Variants in CDH23 observed in about 807,000 individuals in gnomAD.
The protein encoded by CDH23 is cadherin-23.
In CDH23, 189 loss-of-function variants were observed where a neutral mutation model predicts 317.1. That is an observed-to-expected ratio of 0.60 (90% CI 0.53 to 0.67). CDH23 has a LOEUF of 0.67. Among genes scored for constraint, CDH23 ranks in the 30% least tolerant of loss-of-function variants. The probability of loss-of-function intolerance (pLI) is 0.00; values close to 1 mark genes in which losing one functional copy is unlikely to be tolerated. For missense variants in CDH23, 4,401 were observed against 4,592.4 expected (o/e 0.96, Z 1.20); for synonymous variants, 1,839 against 1,876.8 (o/e 0.98, Z 0.52).
intron 9 of CDH23, among the ~76,000 whole-genome samples, chr10:71,580,632 T>G (rs1858557690): frequency 6.6e-6 from 1 of 152,234 alleles, no homozygotes. Flanking sequence ...ATAGGGCCAC[T>G]GTTTGACAAA....
chr10:71,507,085 T>C (rs529113211), intron 3 of CDH23, among the ~76,000 whole-genome samples: 1 of 152,272 alleles, frequency 6.6e-6, no homozygotes, highest in South Asian at 2.1e-4. Context: ...AGAATCCTCT[T>C]GGCCAGCTGG....
chr10:71,609,246 T>G (rs1405857410), intron 9 of CDH23, among the ~76,000 whole-genome samples: 3 of 149,944 alleles, frequency 2.0e-5, no homozygotes, highest in Non-Finnish European at 4.4e-5. Context: ...CGCCCCAACA[T>G]CAGACCTTCT....
At chr10:71,672,154 G>A (rs1422664491) in intron 14 of CDH23, among the ~76,000 whole-genome samples, 1 of 152,108 alleles carries the variant, frequency 6.6e-6, no homozygotes, top group Admixed American at 6.5e-5. Context: ...TGGGGGTCAG[G>A]GAGGGCAGAA....
chr10:71,666,994 A>G (rs1863926419), intron 14 of CDH23, among the ~76,000 whole-genome samples: 1 of 152,236 alleles, frequency 6.6e-6, no homozygotes, highest in South Asian at 2.1e-4. Context: ...TGACATGTCA[A>G]ACATTGCTAT....
intron 1 of CDH23, among the ~76,000 whole-genome samples, chr10:71,438,347 C>CAAAAAAA (rs10596696): frequency 1.0e-3 from 102 of 98,304 alleles, no homozygotes; most frequent in African/African-American, 2.0e-3. Flanking sequence ...CTGTCTCAAA[C>CAAAAAAA]AAAAAAAAAA....
chr10:71,463,142 C>T (rs1261315576), intron 3 of CDH23, among the ~76,000 whole-genome samples: 9 of 152,168 alleles, frequency 5.9e-5, no homozygotes, highest in Non-Finnish European at 1.3e-4. Flanking sequence ...TTCTTAGCTC[C>T]CAAAATATAA....
chr10:71,533,209 G>A lies in CDH23; in HGVS notation c.429+21997G>A, dbSNP rs1246982093. On this transcript the variant is annotated intron_variant, in intron 6 of 69. Coordinates refer to ENST00000224721, the MANE Select transcript of CDH23 (RefSeq NM_022124.6). ...GGCATGGTGAGCTCCGGAATCACAA[G>A]ACCCCTTGATTCTCATCCTGTTTCT... 2.0e-5 allele frequency among the ~76,000 whole-genome samples: 3 copies of A among 151,802 alleles called. No homozygotes were observed. In the South Asian group the frequency reaches 6.2e-4, roughly 31 times the overall value.
rs1398056456 is a variant in CDH23, at chr10:71,751,820, G to T, written c.4845+9899G>T. The T allele has an allele frequency of 1.3e-6, 2 of 1,574,806 alleles. No homozygotes were observed. The highest frequency in any genetic ancestry group is 1.7e-6 in the Non-Finnish European group (2 of 1,161,786). ...GGCCTCGGGTATCCCCTGGGCAGGT[G>T]GTGAGGCTTCAAAGCCGGGGTTTTC... On this transcript the variant is annotated intron_variant, in intron 38 of 69. Coordinates refer to ENST00000224721, the MANE Select transcript of CDH23 (RefSeq NM_022124.6). This position sits in a 1 kb window ranked among gnomAD's most constrained non-coding sequence, Gnocchi z 4.9.
chr10:71,761,368 C>T (rs1564781020), intron 38 of CDH23, among the ~76,000 whole-genome samples: 1 of 152,178 alleles, frequency 6.6e-6, no homozygotes, highest in African/African-American at 2.4e-5. Context: ...ATTAAAAAGT[C>T]TCACTGTCAC....
chr10:71,690,562 G>A lies in CDH23; in HGVS notation c.2154G>A (p.Gln718=). 1 of 1,605,742 alleles carries A rather than the reference G, an allele frequency of 6.2e-7. No individual in the cohort carries two copies. The highest frequency in any genetic ancestry group is 8.5e-7 in the Non-Finnish European group (1 of 1,176,240). Residue 718 remains glutamine, a synonymous_variant, in exon 20 of 70, where the codon CAG becomes CAA. Transcript: ENST00000224721. The part of the protein sequence containing the change: ...SIIYSLEGST[Q]FRINARSGEI... The stretch of plus-strand genomic sequence containing the variant: ...TCTACTCCTTGGAAGGCTCCACCCA[G>A]TTTCGGATCAATGCCCGCTCAGGTG...
chr10:71,719,840 G>A (rs1180943454), intron 28 of CDH23: 1 of 152,604 alleles, frequency 6.6e-6, no homozygotes, highest in Non-Finnish European at 1.5e-5. Context: ...GCCCTGCCTT[G>A]GGGGAGGGGA....
At chr10:71,637,423 C>T (rs1055463238) in intron 11 of CDH23, among the ~76,000 whole-genome samples, 5 of 152,272 alleles carry the variant, frequency 3.3e-5, no homozygotes, top group South Asian at 2.1e-4. Context: ...ACACTTATTC[C>T]GTCCCAGATG....
chr10:71,458,289 G>C (rs528566979), intron 3 of CDH23, among the ~76,000 whole-genome samples: 2 of 152,240 alleles, frequency 1.3e-5, no homozygotes, highest in Non-Finnish European at 2.9e-5. Context: ...TTTGGTGCAA[G>C]GATTTCCTTG....
rs1862859693 is a variant in CDH23 at position 71,646,380 on chromosome 10, A to G, written c.1291-79A>G. The G allele has an allele frequency of 1.5e-5, 23 of 1,574,416 alleles. No individual in the cohort carries two copies. The South Asian group carries it at 2.7e-4, about 19-fold the overall frequency. Reference sequence around the variant, plus strand: ...GCTCTGGGCTGGGGCCGGCAAAGGCATGGAGAGGACTTACAGGGACAAGGA... The same window carrying G: ...GCTCTGGGCTGGGGCCGGCAAAGGCGTGGAGAGGACTTACAGGGACAAGGA... On this transcript the variant is annotated intron_variant, in intron 13 of 69. Transcript: ENST00000224721.
intron 48 of CDH23, 48 bp downstream of exon 48, chr10:71,793,688 G>A (rs1841327996): frequency 1.5e-6 from 2 of 1,340,870 alleles, no homozygotes; most frequent in East Asian, 2.4e-5. Context: ...TCCCAGTCCT[G>A]TCTCCTCGCT....
At chr10:71,639,588 G>A (rs1862439354) in intron 11 of CDH23, among the ~76,000 whole-genome samples, 1 of 152,202 alleles carries the variant, frequency 6.6e-6, no homozygotes, top group South Asian at 2.1e-4. Flanking sequence ...CGGGGTGGGG[G>A]CAAACTTGAG....
At chr10:71,464,153 C>T (rs1439934686) in intron 3 of CDH23, among the ~76,000 whole-genome samples, 2 of 152,260 alleles carry the variant, frequency 1.3e-5, no homozygotes, top group African/African-American at 2.4e-5. Flanking sequence ...GGCACCAGCA[C>T]CCATCCTCCT....
At chr10:71,645,511 C>T (rs750668917) in intron 12 of CDH23, 11 of 498,182 alleles carry the variant, frequency 2.2e-5, no homozygotes, top group East Asian at 5.2e-5. Context: ...CCGGTCCCTC[C>T]GCAGCTGGGG....
intron 6 of CDH23, among the ~76,000 whole-genome samples, chr10:71,514,253 C>T (rs1348058115): frequency 6.6e-6 from 1 of 152,214 alleles, no homozygotes; most frequent in Non-Finnish European, 1.5e-5. Context: ...TTCCCAACCT[C>T]TGCAATTGTG....
Sources: allele counts gnomAD v4.1 joint callset (sites outside exome capture counted in the v4.1 genomes callset), GRCh38; gene constraint gnomAD v4.1.1; non-coding constraint Gnocchi (gnomAD v3.1); transcripts MANE v1.5; gene names NCBI Gene and HGNC (gene_info 2026-07-23, HGNC 2026-07-21).